Variants in ZUP1 observed in about 807,000 individuals in gnomAD.
ZUP1 encodes zinc finger-containing ubiquitin peptidase 1.
Under a neutral mutation model 68.1 loss-of-function variants are expected in ZUP1, and 55 were observed. The observed-to-expected ratio is 0.81, with a 90% CI of 0.65 to 1.01. The LOEUF (loss-of-function observed/expected upper bound fraction) is 1.01, where lower values mean the gene tolerates loss of function less well. Ranked by LOEUF, ZUP1 falls within the 50% of genes least tolerant of loss-of-function variation. The probability of loss-of-function intolerance (pLI) is 0.00; values close to 1 mark genes in which losing one functional copy is unlikely to be tolerated. For missense variants in ZUP1, 684 were observed against 674.9 expected (o/e 1.01, Z -0.15); for synonymous variants, 223 against 221.5 (o/e 1.01, Z -0.06).
intron 9 of ZUP1, among the ~76,000 whole-genome samples, chr6:116,638,658 C>T (rs916240138): frequency 2.6e-5 from 4 of 152,158 alleles, no homozygotes; most frequent in African/African-American, 7.2e-5. Flanking sequence ...GCTCACCTGA[C>T]ATTAAAAATT....
chr6:116,658,106 A>AAAC (rs781081260), intron 4 of ZUP1, among the ~76,000 whole-genome samples: 10 of 152,238 alleles, frequency 6.6e-5, no homozygotes, highest in African/African-American at 2.4e-4. Context: ...ACAAACAAAC[A>AAAC]AACAACAACA....
intron 7 of ZUP1, among the ~76,000 whole-genome samples, chr6:116,649,988 A>T (rs1322344150): frequency 6.6e-6 from 1 of 152,224 alleles, no homozygotes; most frequent in Admixed American, 6.5e-5. Context: ...AACCATAAAG[A>T]AAATGATGCT....
At chr6:116,638,984 G>A (rs1052166381) in intron 9 of ZUP1, among the ~76,000 whole-genome samples, 35 of 152,172 alleles carry the variant, frequency 2.3e-4, no homozygotes, top group African/African-American at 3.1e-4. Context: ...ACTCCCACCC[G>A]AATACTGCGC....
At chr6:116,650,218 T>C (rs1415116037) in intron 7 of ZUP1, among the ~76,000 whole-genome samples, 2 of 150,180 alleles carry the variant, frequency 1.3e-5, no homozygotes, top group Non-Finnish European at 3.0e-5. Flanking sequence ...TGGTCAAGAG[T>C]TGAGACCAGC....
chr6:116,636,011 T>C (rs1000004685), intron 9 of ZUP1, 132 bp from the exon 10 acceptor site: 8 of 550,434 alleles, frequency 1.5e-5, no homozygotes, highest in South Asian at 8.2e-5. Flanking sequence ...TAAAGAAAAA[T>C]TGCAATCTCA....
intron 9 of ZUP1, among the ~76,000 whole-genome samples, chr6:116,644,968 G>C (rs1028058617): frequency 1.3e-5 from 2 of 152,010 alleles, no homozygotes; most frequent in African/African-American, 4.8e-5. Context: ...CTACTGTTTT[G>C]CAAGGGATTC....
chr6:116,665,569 C>CTT (rs753039436), intron 2 of ZUP1, among the ~76,000 whole-genome samples: 32 of 111,552 alleles, frequency 2.9e-4, no homozygotes, highest in African/African-American at 4.5e-4. Flanking sequence ...AAAAATTTTT[C>CTT]TTTTTTTTTT....
At chr6:116,650,726 A>G (rs1776464636) in intron 7 of ZUP1, among the ~76,000 whole-genome samples, 1 of 152,182 alleles carries the variant, frequency 6.6e-6, no homozygotes, top group African/African-American at 2.4e-5. Context: ...ACTATCCTAG[A>G]TGGAACTAAG....
rs1777031655 is a variant in ZUP1 at position 116,666,984 on chromosome 6, T to C, written c.209A>G (p.Tyr70Cys). The C allele has an allele frequency of 6.2e-7, 1 of 1,613,652 alleles. No individual in the cohort carries two copies. The highest frequency in any genetic ancestry group is 8.5e-7 in the Non-Finnish European group (1 of 1,179,836). Residue 70 changes from tyrosine to cysteine, a missense_variant, in exon 2 of 10, where the codon TAT becomes TGT. Tyr to Cys is a radical substitution (Grantham distance 194). Coordinates refer to ENST00000368576, the MANE Select transcript of ZUP1 (RefSeq NM_145062.3). Reference protein sequence around the residue: ...RNFERINTVQYGTSDNKKDNT... With the variant: ...RNFERINTVQCGTSDNKKDNT... ...GTCTTTCTTGTTATCTGAAGTTCCA[T>C]ATTGTACTGTATTTATCCTCTCAAA...
intron 9 of ZUP1, among the ~76,000 whole-genome samples, chr6:116,640,022 C>T (rs1186297016): frequency 3.3e-5 from 5 of 152,198 alleles, no homozygotes; most frequent in Admixed American, 1.3e-4. Context: ...AGCCAAGGCT[C>T]GAGAACTACG....
At chr6:116,664,859 T>C (rs1776951155) in intron 2 of ZUP1, among the ~76,000 whole-genome samples, 1 of 149,208 alleles carries the variant, frequency 6.7e-6, no homozygotes, top group Non-Finnish European at 1.5e-5. Flanking sequence ...TCACAAAATA[T>C]ACACATGTAC....
rs1330728767 is a variant in ZUP1, at chr6:116,653,158, T to C, written c.962-966A>G. Among the ~76,000 whole-genome samples, 5 of 152,146 alleles carry C rather than the reference T, an allele frequency of 3.3e-5. No homozygotes were observed. The East Asian group carries it at 9.6e-4, about 29-fold the overall frequency. On this transcript the variant is annotated intron_variant, in intron 5 of 9. Coordinates refer to ENST00000368576, the MANE Select transcript of ZUP1 (RefSeq NM_145062.3). The stretch of plus-strand genomic sequence containing the variant: ...ACAAGGGACATCTGACTCGGCCCCT[T>C]TCCTGCTTTTAGTATATTCTCCTTA...
At position 116,645,981 on chromosome 6, in the gene ZUP1, T is replaced by G. The variant is rs769200075; in HGVS notation, c.1469-47A>C. ...ATACATACGTCACATCTATTTACAG[T>G]TATACAAATAGTCTCTGTATGTATG... On this transcript the variant is annotated intron_variant, in intron 8 of 9. Transcript: ENST00000368576. 1.1e-5 allele frequency: 15 copies of G among 1,344,532 alleles called. No homozygotes were observed. In the South Asian group the frequency reaches 1.5e-4, roughly 14 times the overall value. The allele number at this position is 1,344,532 out of a possible 1,614,324, so 83.3% of individuals were successfully genotyped here.
At chr6:116,643,435 C>CTA (rs901275092) in intron 9 of ZUP1, among the ~76,000 whole-genome samples, 5 of 152,202 alleles carry the variant, frequency 3.3e-5, no homozygotes, top group Non-Finnish European at 5.9e-5. Context: ...TGACTTCAAA[C>CTA]TATACTACAA....
intron 5 of ZUP1, among the ~76,000 whole-genome samples, chr6:116,653,343 T>C (rs1395308220): frequency 6.6e-6 from 1 of 152,010 alleles, no homozygotes; most frequent in Non-Finnish European, 1.5e-5. Context: ...GTGAAGCCTA[T>C]GGGTAGGGAG....
chr6:116,646,047 G>T, intron 8 of ZUP1, 113 bp from the exon 9 acceptor site: 5 of 682,436 alleles, frequency 7.3e-6, no homozygotes, highest in Non-Finnish European at 1.2e-5. Flanking sequence ...AATACAGTCA[G>T]ACTCTGACAC....
chr6:116,639,966 G>A (rs1583359110), intron 9 of ZUP1, among the ~76,000 whole-genome samples: 1 of 152,286 alleles, frequency 6.6e-6, no homozygotes, highest in South Asian at 2.1e-4. Context: ...TGTATAACTA[G>A]AATAACCAAT....
rs570518174 is a variant in ZUP1, at chr6:116,657,048, A to G, written c.793-196T>C. 6.6e-5 allele frequency among the ~76,000 whole-genome samples: 10 copies of G among 152,312 alleles called. 1 individual carries two copies. The East Asian group carries it at 1.9e-3, about 29-fold the overall frequency. Reference sequence around the variant, plus strand: ...ACAAAAAAAAATTATTGACTTAATAAGCAACCACTTCTTTATAATCAATCT... The same window carrying G: ...ACAAAAAAAAATTATTGACTTAATAGGCAACCACTTCTTTATAATCAATCT... On this transcript the variant is annotated intron_variant, in intron 4 of 9. Transcript: ENST00000368576.
intron 1 of ZUP1, 22 bp from the exon 2 acceptor site, chr6:116,667,229 G>A (rs139935513): frequency 2.2e-5 from 31 of 1,408,118 alleles, no homozygotes; most frequent in East Asian, 2.2e-4. Context: ...CATAACATTA[G>A]GTTTCAAAGA....
Sources: gnomAD v4.1 joint callset for allele counts (sites outside exome capture counted in the v4.1 genomes callset) on GRCh38, gnomAD v4.1.1 for gene constraint, MANE v1.5 for transcripts, NCBI Gene and HGNC (gene_info 2026-07-23, HGNC 2026-07-21) for gene names.